NPAS3: variants seen among roughly 807,000 people sequenced by gnomAD.
NPAS3 encodes the protein neuronal PAS domain-containing protein 3.
A neutral mutation model predicts 73.1 loss-of-function variants in NPAS3; 14 were observed. That is an observed-to-expected ratio of 0.19 (90% CI 0.13 to 0.30). The LOEUF (loss-of-function observed/expected upper bound fraction) is 0.30, where lower values mean the gene tolerates loss of function less well. Ranked by LOEUF, NPAS3 falls within the 10% of genes least tolerant of loss-of-function variation. The pLI, the probability that NPAS3 is intolerant of heterozygous loss-of-function variation, is 1.00. For synonymous variants in NPAS3, 620 were observed against 541.5 expected, an observed-to-expected ratio of 1.14 and a Z score of -2.01; for missense variants, 1,096 against 1,250.0, an observed-to-expected ratio of 0.88 and a Z score of 1.86.
intron 4 of NPAS3, among the ~76,000 whole-genome samples, chr14:33,505,857 C>T (rs550016404): frequency 1.3e-5 from 2 of 151,946 alleles, no homozygotes; most frequent in Non-Finnish European, 2.9e-5. Flanking sequence ...ACTTCACTTC[C>T]CACCACCCTC....
At chr14:33,296,315 T>C (rs2042297155) in intron 3 of NPAS3, among the ~76,000 whole-genome samples, 1 of 152,232 alleles carries the variant, frequency 6.6e-6, no homozygotes, top group African/African-American at 2.4e-5. Flanking sequence ...ATTCAGTATG[T>C]GTACATGTAC....
chr14:33,690,026 T>A (rs1298762437), intron 6 of NPAS3, among the ~76,000 whole-genome samples: 1 of 152,222 alleles, frequency 6.6e-6, no homozygotes, highest in South Asian at 2.1e-4. Context: ...GCTTGACCGA[T>A]ATTTTCTCTT....
chr14:33,630,243 G>A (rs746294029), intron 5 of NPAS3, among the ~76,000 whole-genome samples: 7 of 152,146 alleles, frequency 4.6e-5, no homozygotes, highest in Non-Finnish European at 8.8e-5. Context: ...ATAATTTGAG[G>A]GGGGTCTCTT....
intron 6 of NPAS3, among the ~76,000 whole-genome samples, chr14:33,678,259 C>G (rs1051841303): frequency 6.6e-6 from 1 of 152,174 alleles, no homozygotes; most frequent in Non-Finnish European, 1.5e-5. Context: ...GAGTAGTTCT[C>G]GTAGATAGTT....
chr14:33,157,300 C>T (rs1467331302), intron 2 of NPAS3, among the ~76,000 whole-genome samples: 3 of 152,194 alleles, frequency 2.0e-5, no homozygotes, highest in African/African-American at 7.2e-5. Context: ...CAGAACTCTT[C>T]TTTATCAGAG....
At chr14:33,386,481 T>C (rs2046780629) in intron 4 of NPAS3, among the ~76,000 whole-genome samples, 1 of 150,084 alleles carries the variant, frequency 6.7e-6, no homozygotes, top group South Asian at 2.1e-4. Context: ...TGTACTGGGG[T>C]CCAATTTATG....
chr14:33,285,166 G>A (rs999039330), intron 3 of NPAS3, among the ~76,000 whole-genome samples: 9 of 152,250 alleles, frequency 5.9e-5, no homozygotes, highest in African/African-American at 2.2e-4. Flanking sequence ...TTAAGGATCT[G>A]ATTATCAGAA....
chr14:33,235,020 C>T (rs545499602), intron 3 of NPAS3, among the ~76,000 whole-genome samples: 4 of 152,006 alleles, frequency 2.6e-5, no homozygotes, highest in South Asian at 4.2e-4. Context: ...AACCAGATAC[C>T]GAAAGTCATT....
intron 5 of NPAS3, among the ~76,000 whole-genome samples, chr14:33,592,445 T>A (rs1430690825): frequency 6.6e-6 from 1 of 152,114 alleles, no homozygotes; most frequent in Non-Finnish European, 1.5e-5. Flanking sequence ...TGTGATTGAG[T>A]GTTGGATGAC....
chr14:33,084,028 C>A (rs917874399), intron 2 of NPAS3, among the ~76,000 whole-genome samples: 3 of 152,122 alleles, frequency 2.0e-5, no homozygotes, highest in Non-Finnish European at 4.4e-5. Flanking sequence ...TTGATGTTTC[C>A]GTCACCATGG....
chr14:33,700,723 T>G (rs946165971), intron 6 of NPAS3, among the ~76,000 whole-genome samples: 1 of 152,228 alleles, frequency 6.6e-6, no homozygotes, highest in South Asian at 2.1e-4. Flanking sequence ...CTTCTCTAGA[T>G]AGTGATTGCG....
chr14:33,735,429 A>G, intron 7 of NPAS3, 97 bp downstream of exon 7: 1 of 843,280 alleles, frequency 1.2e-6, no homozygotes, highest in Admixed American at 1.8e-5. Flanking sequence ...TATAATGAAT[A>G]CATGTGATCT....
At chr14:33,095,424 T>C (rs2042373147) in intron 2 of NPAS3, among the ~76,000 whole-genome samples, 1 of 152,230 alleles carries the variant, frequency 6.6e-6, no homozygotes, top group African/African-American at 2.4e-5. Context: ...TGGTGTCTTA[T>C]TCAGTGCTAA....
intron 1 of NPAS3, among the ~76,000 whole-genome samples, chr14:32,987,610 G>T (rs2038150219): frequency 6.6e-6 from 1 of 152,038 alleles, no homozygotes; most frequent in African/African-American, 2.4e-5. Flanking sequence ...ATGTGCTGTG[G>T]TCTTTATAAA....
At chr14:33,366,987 C>T (rs2045873440) in intron 3 of NPAS3, among the ~76,000 whole-genome samples, 199 bp from the exon 4 acceptor site, 1 of 151,778 alleles carries the variant, frequency 6.6e-6, no homozygotes. Flanking sequence ...TTCTAGAAGT[C>T]GATATTTTAG....
intron 3 of NPAS3, among the ~76,000 whole-genome samples, chr14:33,265,943 A>G (rs1474063228): frequency 1.3e-5 from 2 of 151,574 alleles, no homozygotes; most frequent in Non-Finnish European, 2.9e-5. Context: ...AGAGATAGGT[A>G]TATATTGTAT....
At position 33,766,455 on chromosome 14, in the gene NPAS3, A is replaced by G. The variant is rs141160622; in HGVS notation, c.853-7882A>G. 4.6e-5 allele frequency among the ~76,000 whole-genome samples: 7 copies of G among 152,256 alleles called. No individual in the cohort carries two copies. The East Asian group carries it at 1.4e-3, about 29-fold the overall frequency. ...ATTAACACTTTTTATGTAATTGTAG[A>G]CTTTTTATGCCACAGGACTGGTTTC... On this transcript the variant is annotated intron_variant, in intron 7 of 11. Coordinates refer to ENST00000356141, the Ensembl canonical transcript of NPAS3.
At chr14:33,650,736 C>CT (rs958177436) in intron 5 of NPAS3, among the ~76,000 whole-genome samples, 2 of 142,412 alleles carry the variant, frequency 1.4e-5, no homozygotes, top group Admixed American at 1.4e-4. Flanking sequence ...TGGAGAAAAT[C>CT]TTTTCCTCTC....
chr14:33,070,091 T>C (rs973345494), intron 2 of NPAS3, among the ~76,000 whole-genome samples: 2 of 152,206 alleles, frequency 1.3e-5, no homozygotes, highest in Non-Finnish European at 2.9e-5. Flanking sequence ...AAATGTTGAA[T>C]GTGTATTAAA....
Sources: gnomAD v4.1 joint callset for allele counts (sites outside exome capture counted in the v4.1 genomes callset) on GRCh38, gnomAD v4.1.1 for gene constraint, MANE v1.5 for transcripts, NCBI Gene and HGNC (gene_info 2026-07-23, HGNC 2026-07-21) for gene names.